The following ITGA1 variants were observed in gnomAD, a reference collection of about 807,000 sequenced individuals.
ITGA1 encodes the protein integrin subunit alpha 1.
ITGA1 carries 85 observed loss-of-function variants against 145.9 expected under a neutral mutation model. The ratio of observed to expected loss-of-function variants is 0.58; its 90% CI spans 0.49 to 0.70. The LOEUF is 0.70. ITGA1 is among the 30% of genes least tolerant of loss of function. The probability of loss-of-function intolerance (pLI) is 0.00; values close to 1 mark genes in which losing one functional copy is unlikely to be tolerated. For synonymous variants in ITGA1, 520 were observed against 495.3 expected (o/e 1.05, Z -0.66); for missense variants, 1,351 against 1,418.7 (o/e 0.95, Z 0.77).
At chr5:52,860,402 C>T (rs181558984) in intron 2 of ITGA1, among the ~76,000 whole-genome samples, 13 of 151,882 alleles carry the variant, frequency 8.6e-5, no homozygotes, top group South Asian at 2.1e-4. Context: ...AAAAATTAGT[C>T]GGGCGTGGTG....
In ITGA1 at chr5:52,937,528, G is replaced by A; in HGVS notation, c.3078+14G>A. The A allele has an allele frequency of 1.4e-6, 2 of 1,449,194 alleles. No homozygotes were observed. The highest frequency in any genetic ancestry group is 1.9e-6 in the Non-Finnish European group (2 of 1,031,088). 89.8% of individuals were successfully genotyped at this position (1,449,194 alleles called of 1,614,324 possible). A position where few individuals can be genotyped will look rare whatever the true frequency, so the allele number is the denominator to read the frequency against. ...TCATCTTCTGAGGTAAGTCATGTGT[G>A]CCTTGGAATTATGTCATTACTGTTA... On this transcript the variant is annotated intron_variant, in intron 24 of 28. Coordinates refer to ENST00000282588, the MANE Select transcript of ITGA1 (RefSeq NM_181501.2).
chr5:52,890,797 T>G (rs1750134933), intron 8 of ITGA1, among the ~76,000 whole-genome samples: 1 of 152,214 alleles, frequency 6.6e-6, no homozygotes, highest in South Asian at 2.1e-4. Context: ...TGTCCTATAG[T>G]GCTACTGAAC....
intron 1 of ITGA1, among the ~76,000 whole-genome samples, chr5:52,843,963 T>A (rs1409202438): frequency 3.3e-5 from 5 of 152,104 alleles, no homozygotes; most frequent in Non-Finnish European, 2.9e-5. Context: ...TATTATATTT[T>A]AAAATGTTTG....
At chr5:52,789,257 G>T (rs1748192485) in intron 1 of ITGA1, among the ~76,000 whole-genome samples, 1 of 152,040 alleles carries the variant, frequency 6.6e-6, no homozygotes, top group Non-Finnish European at 1.5e-5. Context: ...ATGGAAGAAG[G>T]TGGGGGGAAA....
chr5:52,806,846 G>C (rs976592538), intron 1 of ITGA1, among the ~76,000 whole-genome samples: 1 of 152,146 alleles, frequency 6.6e-6, no homozygotes, highest in Non-Finnish European at 1.5e-5. Context: ...TTTGTGTGTA[G>C]TATTATAGTT....
chr5:52,837,594 G>T (rs1749181121), intron 1 of ITGA1, among the ~76,000 whole-genome samples: 1 of 151,968 alleles, frequency 6.6e-6, no homozygotes, highest in South Asian at 2.1e-4. Context: ...TTAGTCACTA[G>T]TGTTGTGATT....
chr5:52,819,884 G>C (rs1034241933), intron 1 of ITGA1, among the ~76,000 whole-genome samples: 17 of 152,214 alleles, frequency 1.1e-4, no homozygotes, highest in Non-Finnish European at 2.5e-4. Context: ...AGTTTTCCCA[G>C]CACCATTTAT....
In ITGA1 at chr5:52,849,607, T is replaced by C. The variant is rs184979149; in HGVS notation, c.182+122T>C. 3 of 934,970 alleles carry C rather than the reference T, an allele frequency of 3.2e-6. No homozygotes were observed. In the Admixed American group the frequency reaches 8.2e-5, roughly 26 times the overall value. The allele number at this position is 934,970 out of a possible 1,614,324, so 57.9% of individuals were successfully genotyped here. On this transcript the variant is annotated intron_variant, in intron 2 of 28. Coordinates refer to ENST00000282588, the MANE Select transcript of ITGA1 (RefSeq NM_181501.2). ...AGAATGAATTATTTATGGTAGAAAA[T>C]GCAGTCTAGTCATTTGGCAATGGAA...
At chr5:52,823,867 G>A (rs77104065) in intron 1 of ITGA1, among the ~76,000 whole-genome samples, 252 of 152,288 alleles carry the variant, frequency 1.7e-3, no homozygotes, top group Non-Finnish European at 2.5e-3. Context: ...ATTGACTTTT[G>A]TATGTCTGTG....
At chr5:52,872,079 C>T (rs1283745302) in intron 6 of ITGA1, among the ~76,000 whole-genome samples, 2 of 152,072 alleles carry the variant, frequency 1.3e-5, no homozygotes, top group South Asian at 2.1e-4. Flanking sequence ...ACTAACGGAA[C>T]AATGTCTAGA....
intron 26 of ITGA1, among the ~76,000 whole-genome samples, chr5:52,942,292 G>GT (rs1341819086): frequency 6.6e-6 from 1 of 152,104 alleles, no homozygotes; most frequent in African/African-American, 2.4e-5. Flanking sequence ...TTTTAGAATA[G>GT]TTTTTTCTAA....
intron 1 of ITGA1, among the ~76,000 whole-genome samples, chr5:52,819,277 T>C (rs1048273007): frequency 2.0e-5 from 3 of 152,208 alleles, no homozygotes; most frequent in Non-Finnish European, 4.4e-5. Flanking sequence ...TGTAAAAGTG[T>C]TCCTATTTCT....
chr5:52,922,436 A>C (rs2111874843), intron 17 of ITGA1, among the ~76,000 whole-genome samples: 1 of 152,296 alleles, frequency 6.6e-6, no homozygotes, highest in Admixed American at 6.5e-5. Flanking sequence ...TTACATAATG[A>C]TCTTTGGCTT....
At chr5:52,937,209 A>G (rs1386390726) in intron 23 of ITGA1, among the ~76,000 whole-genome samples, 192 bp from the exon 24 acceptor site, 1 of 152,180 alleles carries the variant, frequency 6.6e-6, no homozygotes, top group Non-Finnish European at 1.5e-5. Flanking sequence ...GCTACTGACC[A>G]TTAAGTGTCC....
chr5:52,861,598 C>T lies in ITGA1; in HGVS notation c.295+39C>T, dbSNP rs114408035. The T allele has an allele frequency of 8.5e-4, 984 of 1,163,620 alleles. 5 individuals carry two copies. In the African/African-American group the frequency reaches 0.01, roughly 12 times the overall value. 72.1% of individuals were successfully genotyped at this position (1,163,620 alleles called of 1,614,324 possible). A position where few individuals can be genotyped will look rare whatever the true frequency, so the allele number is the denominator to read the frequency against. ...AAAAAATCTGGTTTTAGGCCAGGTG[C>T]GGTGAGTCACGCCTGTAATCCCCAC... On this transcript the variant is annotated intron_variant, in intron 3 of 28. Coordinates refer to ENST00000282588, the MANE Select transcript of ITGA1 (RefSeq NM_181501.2).
rs1749678685 is a variant in ITGA1 at position 52,865,821 on chromosome 5, T to C, written c.624+4T>C. The stretch of plus-strand genomic sequence containing the variant: ...TATTGGTCCTAAACAGACACAGGTA[T>C]GTGACTTTGTGTTTTGATTTCTGTT... On this transcript the variant is annotated splice_donor_region_variant and intron_variant, in intron 6 of 28. Transcript: ENST00000282588. 1.3e-6 allele frequency: 2 copies of C among 1,560,774 alleles called. No individual in the cohort carries two copies. Among genetic ancestry groups the C allele is most frequent in the Non-Finnish European group, 8.6e-7 (1 of 1,161,822 alleles).
At chr5:52,901,043 T>C (rs550458168) in intron 11 of ITGA1, among the ~76,000 whole-genome samples, 5 of 152,306 alleles carry the variant, frequency 3.3e-5, no homozygotes, top group African/African-American at 1.2e-4. Flanking sequence ...ACTTTTCAGA[T>C]ATGATGAAAT....
chr5:52,835,785 T>C (rs1308842840), intron 1 of ITGA1, among the ~76,000 whole-genome samples: 1 of 152,164 alleles, frequency 6.6e-6, no homozygotes, highest in African/African-American at 2.4e-5. Context: ...CTTTTCAAGA[T>C]TCAAATCACA....
intron 19 of ITGA1, among the ~76,000 whole-genome samples, chr5:52,926,485 C>G (rs1750812581): frequency 7.1e-6 from 1 of 141,758 alleles, no homozygotes; most frequent in African/African-American, 2.8e-5. Context: ...ACCTGTAGTC[C>G]CAGCTACTCA....
Sources: gnomAD v4.1 joint callset for allele counts (sites outside exome capture counted in the v4.1 genomes callset) on GRCh38, gnomAD v4.1.1 for gene constraint, MANE v1.5 for transcripts, NCBI Gene and HGNC (gene_info 2026-07-23, HGNC 2026-07-21) for gene names.